The following ARHGAP32 variants were observed in gnomAD, a reference collection of about 807,000 sequenced individuals.
ARHGAP32 encodes rho GTPase-activating protein 32.
ARHGAP32 carries 51 observed loss-of-function variants against 186.5 expected under a neutral mutation model. The observed-to-expected ratio is 0.27, with a 90% confidence interval of 0.22 to 0.35. The LOEUF (loss-of-function observed/expected upper bound fraction) is 0.35. Ranked by LOEUF, ARHGAP32 falls within the 10% of genes least tolerant of loss-of-function variation. The pLI is 1.00. For synonymous variants in ARHGAP32, 950 were observed against 964.3 expected (o/e 0.99, Z 0.27); for missense variants, 2,186 against 2,623.5 (o/e 0.83, Z 3.64).
chr11:128,969,111 C>A lies in ARHGAP32; in HGVS notation c.6102G>T (p.Val2034=). Residue 2034 remains valine (V), a synonymous_variant, in exon 23 of 23, where the codon GTG becomes GTT. Coordinates refer to ENST00000682385, the MANE Select transcript of ARHGAP32 (RefSeq NM_001378024.1). The surrounding 1 kb of genome is among the most constrained non-coding windows in gnomAD (Gnocchi z 4.8). ...HGKRQSSVTV[V]SQYDNLEDYH... is the part of the protein sequence containing the mutation. ...AATCTTCCAGGTTATCATACTGGGA[C>A]ACAACAGTCACACTGCTCTGGCGCT... 1 of 1,604,600 alleles carries A rather than the reference C, an allele frequency of 6.2e-7. No homozygotes were observed. Among genetic ancestry groups the A allele is most frequent in the Non-Finnish European group, 8.5e-7 (1 of 1,173,566 alleles).
chr11:129,014,970 T>C (rs1002513728), intron 11 of ARHGAP32, among the ~76,000 whole-genome samples: 1 of 152,210 alleles, frequency 6.6e-6, no homozygotes, highest in Admixed American at 6.5e-5. Flanking sequence ...CATAAATTGC[T>C]TTTATTTAAA....
intron 1 of ARHGAP32, among the ~76,000 whole-genome samples, chr11:129,204,322 G>C (rs1944490846): frequency 6.6e-6 from 1 of 152,058 alleles, no homozygotes; most frequent in Non-Finnish European, 1.5e-5. Context: ...CATAATCAGG[G>C]GAGAAAGCAA....
chr11:129,267,129 G>A (rs1401135985), intron 1 of ARHGAP32, among the ~76,000 whole-genome samples: 1 of 152,150 alleles, frequency 6.6e-6, no homozygotes, highest in African/African-American at 2.4e-5. Context: ...GGAGGCCAAG[G>A]AGGGTAGATG....
chr11:129,055,186 A>G (rs868783461), intron 10 of ARHGAP32, among the ~76,000 whole-genome samples: 4 of 152,264 alleles, frequency 2.6e-5, no homozygotes, highest in African/African-American at 7.2e-5. Context: ...AGAGAGCAGA[A>G]CAGCACCCTT....
At chr11:129,170,234 A>G (rs1943730530) in intron 1 of ARHGAP32, among the ~76,000 whole-genome samples, 1 of 149,910 alleles carries the variant, frequency 6.7e-6, no homozygotes, top group Non-Finnish European at 1.5e-5. Context: ...AACGGGATAC[A>G]TATGCAGAAT....
chr11:129,083,307 T>C (rs1395349741), intron 6 of ARHGAP32, among the ~76,000 whole-genome samples: 1 of 152,114 alleles, frequency 6.6e-6, no homozygotes, highest in Non-Finnish European at 1.5e-5. Context: ...AATTTGCAAC[T>C]GCAAAAAATG....
intron 5 of ARHGAP32, among the ~76,000 whole-genome samples, chr11:129,093,916 T>G (rs1941657227): frequency 6.6e-6 from 1 of 152,152 alleles, no homozygotes; most frequent in South Asian, 2.1e-4. Context: ...CTGTGTAGCT[T>G]ACGTATAAGG....
At chr11:129,092,799 T>C (rs1467648261) in intron 6 of ARHGAP32, among the ~76,000 whole-genome samples, 1 of 151,922 alleles carries the variant, frequency 6.6e-6, no homozygotes, top group African/African-American at 2.4e-5. Context: ...TGAGAAAAAA[T>C]ATAAATGCCC....
chr11:128,983,502 G>C (rs1945772396), intron 15 of ARHGAP32, among the ~76,000 whole-genome samples: 2 of 151,692 alleles, frequency 1.3e-5, no homozygotes, highest in Non-Finnish European at 1.5e-5. Flanking sequence ...TGTGGGGTGG[G>C]GGGAAGGGGG....
At chr11:129,189,069 A>G (rs1318799579) in intron 1 of ARHGAP32, among the ~76,000 whole-genome samples, 6 of 152,172 alleles carry the variant, frequency 3.9e-5, no homozygotes, top group Non-Finnish European at 8.8e-5. Context: ...CATTTTTATG[A>G]TGGTCACATA....
At chr11:129,192,034 T>C (rs1944280784) in intron 1 of ARHGAP32, 49 bp downstream of exon 1, 5 of 1,324,120 alleles carry the variant, frequency 3.8e-6, no homozygotes, top group African/African-American at 2.9e-5. Flanking sequence ...GGGGTGCGGG[T>C]GGGGGTAGGG....
At chr11:129,039,008 CCAAAAACAAAATG>C (rs1404599801) in intron 11 of ARHGAP32, among the ~76,000 whole-genome samples, 1 of 151,554 alleles carries the variant, frequency 6.6e-6, no homozygotes, top group Non-Finnish European at 1.5e-5. Context: ...ACATGATTAG[CCAAAAACAAAATG>C]CAAGTCAAAT....
intron 1 of ARHGAP32, among the ~76,000 whole-genome samples, chr11:129,214,363 T>C (rs1464636379): frequency 2.0e-5 from 3 of 152,186 alleles, no homozygotes; most frequent in Non-Finnish European, 4.4e-5. Context: ...CAACGAGAAG[T>C]CTCTGTTCTA....
intron 6 of ARHGAP32, among the ~76,000 whole-genome samples, chr11:129,090,003 G>C (rs1331095367): frequency 6.6e-6 from 1 of 152,120 alleles, no homozygotes; most frequent in East Asian, 1.9e-4. Flanking sequence ...ATCTCAGCCT[G>C]GCCCTATCCT....
chr11:129,053,994 A>G (rs550962301), intron 10 of ARHGAP32, among the ~76,000 whole-genome samples: 1 of 152,298 alleles, frequency 6.6e-6, no homozygotes, highest in South Asian at 2.1e-4. Context: ...AGGTTTCTGA[A>G]TATCTGCCCC....
At chr11:129,240,997 T>C (rs776669666) in intron 1 of ARHGAP32, among the ~76,000 whole-genome samples, 2 of 152,188 alleles carry the variant, frequency 1.3e-5, no homozygotes, top group Admixed American at 6.5e-5. Context: ...GAATGAGACA[T>C]TCCTGAATTT....
At chr11:129,240,941 G>C (rs1411507453) in intron 1 of ARHGAP32, among the ~76,000 whole-genome samples, 1 of 152,224 alleles carries the variant, frequency 6.6e-6, no homozygotes, top group Non-Finnish European at 1.5e-5. Context: ...ATCCAAAAGA[G>C]AGGACAATGT....
At chr11:129,230,704 TA>T (rs1439685887) in intron 1 of ARHGAP32, among the ~76,000 whole-genome samples, 1 of 152,188 alleles carries the variant, frequency 6.6e-6, no homozygotes, top group Non-Finnish European at 1.5e-5. Flanking sequence ...TAAAACTTTT[TA>T]AAATATCTTT....
chr11:129,038,699 C>T (rs1220866382), intron 11 of ARHGAP32, among the ~76,000 whole-genome samples: 1 of 151,472 alleles, frequency 6.6e-6, no homozygotes, highest in Non-Finnish European at 1.5e-5. Flanking sequence ...CCAATCTGGG[C>T]AACAAAGCAA....
Sources: allele counts gnomAD v4.1 joint callset (sites outside exome capture counted in the v4.1 genomes callset), GRCh38; gene constraint gnomAD v4.1.1; non-coding constraint Gnocchi (gnomAD v3.1); transcripts MANE v1.5; gene names NCBI Gene and HGNC (gene_info 2026-07-23, HGNC 2026-07-21).